NUBP1: variants seen among roughly 807,000 people sequenced by gnomAD.
The protein encoded by NUBP1 is cytosolic Fe-S cluster assembly factor NUBP1.
Under a neutral mutation model 41.8 loss-of-function variants are expected in NUBP1, and 46 were observed. That is an observed-to-expected ratio of 1.10 (90% CI 0.87 to 1.41). NUBP1 has a LOEUF of 1.41. NUBP1 is among the 40% of genes most tolerant of loss of function. The pLI, the probability that NUBP1 is intolerant of heterozygous loss-of-function variation, is 0.00. For synonymous variants in NUBP1, 189 were observed against 154.6 expected (o/e 1.22, Z -1.65); for missense variants, 494 against 414.0 (o/e 1.19, Z -1.68).
Position 10,767,958 on chromosome 16 carries a change from G to T in NUBP1, c.830G>T (p.Cys277Phe). ...TTGTTTCTTTTTTAAGGTAAGAATT[G>T]TGACAAAGGCCAGTCTTTTTTCATT... ...VPLDPLIGKN[C>F]DKGQSFFIDA... Residue 277 changes from cysteine to phenylalanine, a missense_variant, in exon 10 of 11, where the codon TGT (cysteine) becomes TTT (phenylalanine). Cys to Phe is a radical substitution (Grantham distance 205). Transcript: ENST00000283027. The surrounding 1 kb of genome is among the most constrained non-coding windows in gnomAD (Gnocchi z 4.6). The T allele has an allele frequency of 6.2e-7, 1 of 1,614,102 alleles. No individual in the cohort carries two copies. The highest frequency in any genetic ancestry group is 8.5e-7 in the Non-Finnish European group (1 of 1,179,994).
At chr16:10,758,329 C>T (rs577900594) in intron 7 of NUBP1, among the ~76,000 whole-genome samples, 2 of 152,040 alleles carry the variant, frequency 1.3e-5, no homozygotes, top group South Asian at 4.2e-4. Flanking sequence ...TAAAATTAGC[C>T]AGGCATGGTG....
chr16:10,760,257 G>A (rs767825090), intron 7 of NUBP1, among the ~76,000 whole-genome samples: 21 of 152,226 alleles, frequency 1.4e-4, no homozygotes, highest in African/African-American at 2.2e-4. Flanking sequence ...CCCCTTAGCC[G>A]TGCCACTGTG....
At position 10,752,766 on chromosome 16, in the gene NUBP1, C is replaced by T. The variant is rs149205956; in HGVS notation, c.327+88C>T. 86 of 1,066,928 alleles carry T rather than the reference C, an allele frequency of 8.1e-5. 1 individual carries two copies. In the East Asian group the frequency reaches 9.2e-4, roughly 11 times the overall value. The allele number at this position is 1,066,928 out of a possible 1,614,324, so 66.1% of individuals were successfully genotyped here. On this transcript the variant is annotated intron_variant, in intron 4 of 10. Coordinates refer to ENST00000283027, the MANE Select transcript of NUBP1 (RefSeq NM_002484.4). ...TGTCAAACCTCAACAAAGAGGCATG[C>T]GGAGCCCATAAATGTTTTTTTGTTG... is the stretch of plus-strand genomic sequence containing the variant.
intron 7 of NUBP1, 53 bp from the exon 8 acceptor site, chr16:10,761,311 A>G (rs866565194): frequency 1.3e-6 from 2 of 1,544,766 alleles, no homozygotes; most frequent in Non-Finnish European, 8.9e-7. Context: ...TTGCACAGAC[A>G]TTCCCTTTCT....
At position 10,749,926 on chromosome 16, in the gene NUBP1, A is replaced by G. The variant is rs993511890; in HGVS notation, c.258+2650A>G. The stretch of plus-strand genomic sequence containing the variant: ...TGAAGGCAGAAGGAGCCTCTGTAGC[A>G]TAAGCCTGAGCCATGAGACAGCCAA... On this transcript the variant is annotated intron_variant, in intron 3 of 10. Coordinates refer to ENST00000283027, the MANE Select transcript of NUBP1 (RefSeq NM_002484.4). The surrounding 1 kb of genome is among the most constrained non-coding windows in gnomAD (Gnocchi z 4.1). Among the ~76,000 whole-genome samples, 1 of 152,264 alleles carries G rather than the reference A, an allele frequency of 6.6e-6. No homozygotes were observed. Among genetic ancestry groups the G allele is most frequent in the Admixed American group, 6.5e-5 (1 of 15,286 alleles).
At chr16:10,761,265 G>A (rs998879885) in intron 7 of NUBP1, 99 bp from the exon 8 acceptor site, 1 of 1,085,562 alleles carries the variant, frequency 9.2e-7, no homozygotes, top group African/African-American at 1.6e-5. Flanking sequence ...AAGGCTTTAT[G>A]ATCGCAGATC....
In NUBP1 at chr16:10,766,416, A is replaced by C. The variant is rs1392082590; in HGVS notation, c.821-1533A>C. On this transcript the variant is annotated intron_variant, in intron 9 of 10. Coordinates refer to ENST00000283027, the MANE Select transcript of NUBP1 (RefSeq NM_002484.4). This position sits in a 1 kb window ranked among gnomAD's most constrained non-coding sequence, Gnocchi z 4.8. ...GAGCCCAGGGGGAAATGCAGTTAGG[A>C]AGGGAAAACACTAGAGCATATATGT... is the stretch of plus-strand genomic sequence containing the variant. 6.6e-6 allele frequency among the ~76,000 whole-genome samples: 1 copy of C among 152,006 alleles called. No individual in the cohort carries two copies. Among genetic ancestry groups the C allele is most frequent in the African/African-American group, 2.4e-5 (1 of 41,368 alleles).
chr16:10,755,557 C>A (rs983237749), intron 4 of NUBP1, among the ~76,000 whole-genome samples, 164 bp from the exon 5 acceptor site: 1 of 152,198 alleles, frequency 6.6e-6, no homozygotes, highest in Non-Finnish European at 1.5e-5. Flanking sequence ...TTATTACCCA[C>A]GCCCTAGCTG....
chr16:10,767,413 C>T lies in NUBP1; in HGVS notation c.821-536C>T. 2.5e-6 allele frequency: 1 copy of T among 400,068 alleles called. No individual in the cohort carries two copies. The allele number at this position is 400,068 out of a possible 1,614,324, so 24.8% of individuals were successfully genotyped here. On this transcript the variant is annotated intron_variant, in intron 9 of 10. Transcript: ENST00000283027. The surrounding 1 kb of genome is among the most constrained non-coding windows in gnomAD (Gnocchi z 4.6). ...AAGATAAAATTATACACAGACAAAG[C>T]AGCAGGCAGAATGTGTGTGTCATGT...
rs139167455 is a variant in NUBP1 at position 10,765,262 on chromosome 16, T to TACACACACACACACACACACACAC, written c.821-2666_821-2665insCACACACACACACACACACACACA. 7.8e-6 allele frequency: 1 copy of TACACACACACACACACACACACAC among 128,870 alleles called. No individual in the cohort carries two copies. The highest frequency in any genetic ancestry group is 2.3e-4 in the East Asian group (1 of 4,334). The allele number at this position is 128,870 out of a possible 1,614,324, so 8.0% of individuals were successfully genotyped here. On this transcript the variant is annotated intron_variant, in intron 9 of 10. Coordinates refer to ENST00000283027, the MANE Select transcript of NUBP1 (RefSeq NM_002484.4). The surrounding 1 kb of genome is among the most constrained non-coding windows in gnomAD (Gnocchi z 4.0). ...AATGATAGCAACTAACTCCATTAAA[T>TACACACACACACACACACACACAC]ACACACACACACACACACACAACCA... is the stretch of plus-strand genomic sequence containing the variant.
intron 7 of NUBP1, chr16:10,760,891 A>G (rs1227282938): frequency 6.1e-6 from 1 of 164,208 alleles, no homozygotes; most frequent in Non-Finnish European, 1.3e-5. Context: ...ACACTGCTGT[A>G]AAGAACTGCC....
chr16:10,758,259 C>T lies in NUBP1; in HGVS notation c.606+232C>T, dbSNP rs560211420. On this transcript the variant is annotated intron_variant, in intron 7 of 10. Transcript: ENST00000283027. ...GCTGAGATGGGAGGATCACTTGAGCCCACGAGTTCGGGACCAGCCTGAAAA... is the reference window on the plus strand; with the variant it reads ...GCTGAGATGGGAGGATCACTTGAGCTCACGAGTTCGGGACCAGCCTGAAAA... Among the ~76,000 whole-genome samples, 224 of 152,264 alleles carry T rather than the reference C, an allele frequency of 1.5e-3. 3 individuals are homozygous for T. Among genetic ancestry groups the T allele is most frequent in the African/African-American group, 5.3e-3 (222 of 41,552 alleles).
chr16:10,754,463 G>A (rs917322767), intron 4 of NUBP1, among the ~76,000 whole-genome samples: 86 of 151,450 alleles, frequency 5.7e-4, no homozygotes, highest in African/African-American at 1.8e-3. Flanking sequence ...GGCTGGTCTC[G>A]AACTCCTGAC....
intron 3 of NUBP1, among the ~76,000 whole-genome samples, chr16:10,748,899 G>A (rs1443357719): frequency 2.6e-5 from 4 of 152,086 alleles, no homozygotes; most frequent in African/African-American, 7.2e-5. Context: ...AGACCAGCCT[G>A]GCCAACATGG....
rs1428533069 is a variant in NUBP1, at chr16:10,758,019, A to T, written c.598A>T (p.Thr200Ser). 6.2e-7 allele frequency: 1 copy of T among 1,612,464 alleles called. No individual in the cohort carries two copies. The highest frequency in any genetic ancestry group is 8.5e-7 in the Non-Finnish European group (1 of 1,179,056). The change falls in exon 7 of 11, where the codon ACT becomes TCT. Residue 200 changes from threonine (T) to serine (S), a missense_variant. Transcript: ENST00000283027. ...AHIDGAVIIT[T>S]PQEVSLQDVR... is the part of the protein sequence containing the mutation. ...CATCGATGGAGCAGTGATCATCACCACTCCCCAGGTGAGCGAGCTGCCAGC... is the reference window on the plus strand; with the variant it reads ...CATCGATGGAGCAGTGATCATCACCTCTCCCCAGGTGAGCGAGCTGCCAGC...
At position 10,769,347 on chromosome 16, in the gene NUBP1, A is replaced by C; in HGVS notation, c.*242A>C. ...CGTTTTAAGAATAAAACCCCCTCAA[A>C]TCTCTCCCCCGAGGCCTGTTTCACG... On this transcript the variant is annotated 3_prime_UTR_variant, in exon 11 of 11. Coordinates refer to ENST00000283027, the MANE Select transcript of NUBP1 (RefSeq NM_002484.4). 3 of 435,042 alleles carry C rather than the reference A, an allele frequency of 6.9e-6. No individual in the cohort carries two copies. Among genetic ancestry groups the C allele is most frequent in the African/African-American group, 2.0e-5 (1 of 48,998 alleles). The allele number at this position is 435,042 out of a possible 1,614,324, so 26.9% of individuals were successfully genotyped here.
At chr16:10,752,715 T>G (rs1432799331) in intron 4 of NUBP1, 37 bp downstream of exon 4, 12 of 1,555,922 alleles carry the variant, frequency 7.7e-6, no homozygotes, top group Non-Finnish European at 1.1e-5. Context: ...AATTATTCTC[T>G]TAAGGCAAAC....
At chr16:10,750,625 G>A (rs888037765) in intron 3 of NUBP1, among the ~76,000 whole-genome samples, 1 of 152,126 alleles carries the variant, frequency 6.6e-6, no homozygotes, top group Non-Finnish European at 1.5e-5. Context: ...TCAGGACTGA[G>A]TGTGCGAGGC....
chr16:10,762,292 C>A lies in NUBP1; in HGVS notation c.820+433C>A, dbSNP rs146289587. On this transcript the variant is annotated intron_variant, in intron 9 of 10. Coordinates refer to ENST00000283027, the MANE Select transcript of NUBP1 (RefSeq NM_002484.4). ...GGCACAGATGAGGCCCCTTTGTCTC[C>A]AGCACCGGGACAGACCGGAACGCGG... 8.4e-3 allele frequency among the ~76,000 whole-genome samples: 1,281 copies of A among 152,296 alleles called. 8 individuals are homozygous for A. Among genetic ancestry groups the A allele is most frequent in the Non-Finnish European group, 0.012 (816 of 68,010 alleles).
Sources: gnomAD v4.1 joint callset for allele counts (sites outside exome capture counted in the v4.1 genomes callset) on GRCh38, gnomAD v4.1.1 for gene constraint, Gnocchi (gnomAD v3.1) non-coding constraint, MANE v1.5 for transcripts, NCBI Gene and HGNC (gene_info 2026-07-23, HGNC 2026-07-21) for gene names.